The following TIAM1 variants were observed in gnomAD, a reference collection of about 807,000 sequenced individuals.
TIAM1 encodes rho guanine nucleotide exchange factor TIAM1.
Under a neutral mutation model 163.5 loss-of-function variants are expected in TIAM1, and 65 were observed. The observed-to-expected ratio is 0.40, with a 90% CI of 0.33 to 0.49. The LOEUF (loss-of-function observed/expected upper bound fraction) is 0.49, where lower values mean the gene tolerates loss of function less well. Ranked by LOEUF, TIAM1 falls within the 20% of genes least tolerant of loss-of-function variation. The pLI is 0.77. For synonymous variants in TIAM1, 833 were observed against 810.1 expected, an observed-to-expected ratio of 1.03 and a Z score of -0.48; for missense variants, 1,789 against 2,044.7, an observed-to-expected ratio of 0.87 and a Z score of 2.41.
intron 1 of TIAM1, among the ~76,000 whole-genome samples, chr21:31,468,601 C>T (rs1214210804): frequency 6.6e-6 from 1 of 151,846 alleles, no homozygotes; most frequent in Admixed American, 6.6e-5. Context: ...ACGGTGAAAC[C>T]CGTCTCTACT....
At chr21:31,431,910 T>C (rs118074536) in intron 2 of TIAM1, among the ~76,000 whole-genome samples, 2,544 of 152,266 alleles carry the variant, frequency 0.017, 39 homozygotes, top group Middle Eastern at 0.041. Flanking sequence ...AAATGCAACA[T>C]GCACTGCAAA....
intron 1 of TIAM1, among the ~76,000 whole-genome samples, chr21:31,547,202 CA>C (rs1343281036): frequency 3.3e-5 from 5 of 149,600 alleles, no homozygotes; most frequent in African/African-American, 1.3e-4. Flanking sequence ...AAAGAATGGG[CA>C]GTTAACTGGG....
chr21:31,256,630 T>TACACACACACACACA (rs1569115880), intron 4 of TIAM1, among the ~76,000 whole-genome samples: 2 of 148,938 alleles, frequency 1.3e-5, no homozygotes, highest in South Asian at 2.2e-4. Context: ...CACACACACG[T>TACACACACACACACA]ATATTATCTT....
At chr21:31,152,019 G>A (rs1601309895) in intron 19 of TIAM1, among the ~76,000 whole-genome samples, 1 of 122,790 alleles carries the variant, frequency 8.1e-6, no homozygotes, top group East Asian at 2.3e-4. Flanking sequence ...AACCAGAAGT[G>A]CCTTTTTTTT....
chr21:31,157,445 T>C (rs1326629762), intron 16 of TIAM1, among the ~76,000 whole-genome samples: 1 of 152,236 alleles, frequency 6.6e-6, no homozygotes, highest in African/African-American at 2.4e-5. Flanking sequence ...TATGCATTTG[T>C]ATGATTGTAT....
At chr21:31,215,678 G>A (rs1601584547) in intron 9 of TIAM1, among the ~76,000 whole-genome samples, 1 of 150,434 alleles carries the variant, frequency 6.6e-6, no homozygotes, top group Non-Finnish European at 1.5e-5. Context: ...CTGATGAAAT[G>A]TTGACTTTCC....
chr21:31,522,750 T>G (rs1242963723), intron 1 of TIAM1, among the ~76,000 whole-genome samples: 7 of 152,190 alleles, frequency 4.6e-5, no homozygotes, highest in Admixed American at 4.6e-4. Context: ...TATAAAGTTC[T>G]ATCCAAATGG....
chr21:31,430,482 G>A (rs1385198809), intron 2 of TIAM1, among the ~76,000 whole-genome samples: 1 of 151,484 alleles, frequency 6.6e-6, no homozygotes, highest in Non-Finnish European at 1.5e-5. Context: ...CCACTAAATG[G>A]GAAAAACATC....
intron 20 of TIAM1, among the ~76,000 whole-genome samples, chr21:31,145,144 C>T (rs991206950): frequency 2.6e-5 from 4 of 152,032 alleles, no homozygotes; most frequent in African/African-American, 4.8e-5. Context: ...ACACAGCACA[C>T]GGGAAAGGTC....
chr21:31,121,373 A>G (rs1482308364), intron 27 of TIAM1, among the ~76,000 whole-genome samples: 1 of 152,184 alleles, frequency 6.6e-6, no homozygotes, highest in African/African-American at 2.4e-5. Context: ...ATGTGCATCA[A>G]GGAGGCAGAA....
intron 2 of TIAM1, among the ~76,000 whole-genome samples, chr21:31,385,876 T>TATTAGTTAATATAATTA (rs374433599): frequency 0.059 from 5,480 of 92,342 alleles, 178 homozygotes; most frequent in African/African-American, 0.13. Flanking sequence ...ATATTAATTA[T>TATTAGTTAATATAATTA]ATTAGTTAAT....
intron 13 of TIAM1, among the ~76,000 whole-genome samples, chr21:31,194,222 G>T (rs1167522653): frequency 6.6e-6 from 1 of 151,954 alleles, no homozygotes; most frequent in Non-Finnish European, 1.5e-5. Context: ...AACGAACCGT[G>T]GGTATTTACC....
chr21:31,353,688 C>T (rs1324905243), intron 2 of TIAM1, among the ~76,000 whole-genome samples: 1 of 152,216 alleles, frequency 6.6e-6, no homozygotes, highest in East Asian at 1.9e-4. Context: ...AAGTAAGAGG[C>T]AGGTCTAAAA....
intron 26 of TIAM1, among the ~76,000 whole-genome samples, chr21:31,126,296 G>A (rs901325351): frequency 0.41 from 118 of 290 alleles, no homozygotes; most frequent in East Asian, 0.5. Flanking sequence ...TTAGCCAGAC[G>A]TGGTGCTCAC....
intron 2 of TIAM1, among the ~76,000 whole-genome samples, chr21:31,378,191 A>C (rs1312910259): frequency 1.3e-5 from 2 of 151,926 alleles, no homozygotes. Flanking sequence ...GAATGACATA[A>C]ATAAGAAGAA....
At chr21:31,128,883 G>A (rs1411115692) in intron 25 of TIAM1, among the ~76,000 whole-genome samples, 1 of 152,228 alleles carries the variant, frequency 6.6e-6, no homozygotes, top group Non-Finnish European at 1.5e-5. Flanking sequence ...AATATGGCAA[G>A]AGGGTTCTCC....
intron 2 of TIAM1, among the ~76,000 whole-genome samples, chr21:31,425,529 G>C (rs1221557492): frequency 6.6e-6 from 1 of 151,624 alleles, no homozygotes; most frequent in Non-Finnish European, 1.5e-5. Context: ...TGGTTTAGTT[G>C]GTCTGCAATT....
chr21:31,222,692 TATATATATATATATA>T (rs1423088048), intron 8 of TIAM1, among the ~76,000 whole-genome samples: 3 of 35,890 alleles, frequency 8.4e-5, no homozygotes, highest in Non-Finnish European at 1.6e-4. Context: ...TATATATATA[TATATATATATATATA>T]TTTTTTTTTT....
chr21:31,118,647 G>C lies in TIAM1; in HGVS notation c.*1721C>G. On this transcript the variant is annotated 3_prime_UTR_variant, in exon 28 of 28. Coordinates refer to ENST00000541036, the MANE Select transcript of TIAM1 (RefSeq NM_001353694.2). Reference sequence around the variant, plus strand: ...CTGGAGCCAGTAAATGCGACGATTAGAAGCCTCTGCTTCCGTTTTCCATCT... The same window carrying C: ...CTGGAGCCAGTAAATGCGACGATTACAAGCCTCTGCTTCCGTTTTCCATCT... 2.1e-6 allele frequency: 1 copy of C among 471,258 alleles called. No homozygotes were observed. The highest frequency in any genetic ancestry group is 1.5e-5 in the South Asian group (1 of 64,518). 29.2% of individuals were successfully genotyped at this position (471,258 alleles called of 1,614,324 possible). A position where few individuals can be genotyped will look rare whatever the true frequency, so the allele number is the denominator to read the frequency against.
Sources: allele counts gnomAD v4.1 joint callset (sites outside exome capture counted in the v4.1 genomes callset), GRCh38; gene constraint gnomAD v4.1.1; transcripts MANE v1.5; gene names NCBI Gene and HGNC (gene_info 2026-07-23, HGNC 2026-07-21).